Variants in SLC38A4 observed in about 807,000 individuals in gnomAD.
SLC38A4 encodes the protein solute carrier family 38 member 4, also known as sodium-coupled neutral amino acid transporter 4.
SLC38A4 carries 20 observed loss-of-function variants against 63.1 expected under a neutral mutation model. That is an observed-to-expected ratio of 0.32 (90% confidence interval 0.22 to 0.46). The LOEUF (loss-of-function observed/expected upper bound fraction) is 0.46, where lower values mean the gene tolerates loss of function less well. Ranked by LOEUF, SLC38A4 falls within the 20% of genes least tolerant of loss-of-function variation. The pLI is 1.00. For synonymous variants in SLC38A4, 230 were observed against 225.5 expected, an observed-to-expected ratio of 1.02 and a Z score of -0.18; for missense variants, 526 against 663.6, an observed-to-expected ratio of 0.79 and a Z score of 2.28.
At chr12:46,783,058 G>GTGTA in intron 7 of SLC38A4, among the ~76,000 whole-genome samples, 2 of 147,570 alleles carry the variant, frequency 1.4e-5, no homozygotes, top group Non-Finnish European at 3.0e-5. Context: ...GTGTGTGTGT[G>GTGTA]TTAGGGTTGG....
chr12:46,791,944 T>C lies in SLC38A4; in HGVS notation c.119+1009A>G, dbSNP rs561994130. ...ATGAGTGAAGGCAACAAGTAACAAATAGGGAGAGGGCAAAAAACAGGACAG... is the reference window on the plus strand; with the variant it reads ...ATGAGTGAAGGCAACAAGTAACAAACAGGGAGAGGGCAAAAAACAGGACAG... On this transcript the variant is annotated intron_variant, in intron 3 of 16. Transcript: ENST00000266579. 1.4e-4 allele frequency among the ~76,000 whole-genome samples: 21 copies of C among 151,912 alleles called. No individual in the cohort carries two copies. The South Asian group carries it at 3.1e-3, about 23-fold the overall frequency.
chr12:46,824,396 CAAAT>C (rs1939607230), intron 1 of SLC38A4: 2 of 152,122 alleles, frequency 1.3e-5, no homozygotes, highest in African/African-American at 4.8e-5. Context: ...CTAACACAAA[CAAAT>C]GTCATTTTGA....
intron 1 of SLC38A4, among the ~76,000 whole-genome samples, chr12:46,808,284 G>GAAATA (rs1303693457): frequency 6.6e-5 from 10 of 151,914 alleles, no homozygotes; most frequent in African/African-American, 2.4e-4. Flanking sequence ...CAAGTGAAAT[G>GAAATA]CAATGACCCA....
rs374015261 is a variant in SLC38A4, at chr12:46,811,750, G to C, written c.-304-7956C>G. ...CAATCCTTCTTACATTGCATCCCTC[G>C]AGAGAGTGTTTATGTGGACCTGGTC... On this transcript the variant is annotated intron_variant, in intron 1 of 16. Coordinates refer to ENST00000266579, the MANE Select transcript of SLC38A4 (RefSeq NM_018018.5). Among the ~76,000 whole-genome samples the C allele has an allele frequency of 1.6e-3, 238 of 152,050 alleles. 3 individuals are homozygous for C. The South Asian group carries it at 0.044, about 28-fold the overall frequency.
chr12:46,796,985 C>T (rs916759407), intron 2 of SLC38A4, among the ~76,000 whole-genome samples: 22 of 152,136 alleles, frequency 1.4e-4, no homozygotes, highest in African/African-American at 5.3e-4. Flanking sequence ...CCAACCCTAT[C>T]TTCTTTCTGC....
At chr12:46,826,953 TCTTC>T (rs1394088287), upstream of SLC38A4, among the ~76,000 whole-genome samples, 2 of 152,254 alleles carry the variant, frequency 1.3e-5, no homozygotes, top group African/African-American at 4.8e-5. Flanking sequence ...ATGTTTTCTT[TCTTC>T]CTTCATTCAT....
intron 1 of SLC38A4, among the ~76,000 whole-genome samples, chr12:46,804,921 A>T (rs1003575734): frequency 6.6e-6 from 1 of 151,996 alleles, no homozygotes; most frequent in African/African-American, 2.4e-5. Flanking sequence ...TTTAATAGTG[A>T]TGTTTCCAAT....
rs148524583 is a variant in SLC38A4 at position 46,764,809 on chromosome 12, T to C, written c.*1892A>G. The C allele has an allele frequency of 6.9e-3, 1,059 of 152,556 alleles. 5 individuals carry two copies. The highest frequency in any genetic ancestry group is 0.011 in the Non-Finnish European group (770 of 67,976). 9.5% of individuals were successfully genotyped at this position (152,556 alleles called of 1,614,324 possible). Reference sequence around the variant, plus strand: ...ATATACCAATATACACTTTCTGTAATAAAAAAGAAGCCTCCCAATACATTG... The same window carrying C: ...ATATACCAATATACACTTTCTGTAACAAAAAAGAAGCCTCCCAATACATTG... On this transcript the variant is annotated 3_prime_UTR_variant, in exon 17 of 17. Transcript: ENST00000266579.
In SLC38A4 at chr12:46,803,723, G is replaced by A. The variant is rs975565942; in HGVS notation, c.-233C>T. On this transcript the variant is annotated 5_prime_UTR_variant, in exon 2 of 17. Coordinates refer to ENST00000266579, the MANE Select transcript of SLC38A4 (RefSeq NM_018018.5). ...TAGACATTGATTTAAAGACCAGTGG[G>A]AGTGAACGAGACAAGCCAATCAACA... 1 of 151,336 alleles carries A rather than the reference G, an allele frequency of 6.6e-6. No individual in the cohort carries two copies. The highest frequency in any genetic ancestry group is 1.5e-5 in the Non-Finnish European group (1 of 67,840). 9.4% of individuals were successfully genotyped at this position (151,336 alleles called of 1,614,324 possible).
chr12:46,766,843 A>C, intron 16 of SLC38A4, 41 bp from the exon 17 acceptor site: 2 of 1,380,444 alleles, frequency 1.4e-6, no homozygotes, highest in East Asian at 4.6e-5. Flanking sequence ...CAGAAACCAT[A>C]CTTAGTACAA....
rs748277601 is a variant in SLC38A4, at chr12:46,769,355, G to A, written c.1373C>T (p.Ala458Val). 15 of 1,613,408 alleles carry A rather than the reference G, an allele frequency of 9.3e-6. No individual in the cohort carries two copies. The South Asian group carries it at 1.3e-4, about 14-fold the overall frequency. Residue 458 changes from alanine to valine, a missense_variant, in exon 15 of 17, where the codon GCT (alanine) becomes GTT (valine). Transcript: ENST00000266579. The stretch of plus-strand genomic sequence containing the variant: ...AACATTATTAAGTGCAATAAGCACA[G>A]CTGCAATCAGGAAATGTCGTATCCA... ...FSWIRHFLIA[A>V]VLIALNNVLV...
Position 46,793,489 on chromosome 12 carries a change from G to A in SLC38A4, c.-112-306C>T, listed in dbSNP as rs558058850. Among the ~76,000 whole-genome samples the A allele has an allele frequency of 2.0e-5, 3 of 152,226 alleles. No homozygotes were observed. The South Asian group carries it at 6.2e-4, about 32-fold the overall frequency. On this transcript the variant is annotated intron_variant, in intron 2 of 16. Coordinates refer to ENST00000266579, the MANE Select transcript of SLC38A4 (RefSeq NM_018018.5). ...AAAGAAATCTTAAGACATGGCAGCA[G>A]TCTTCAAGGAAATTTAGGTATTTGT... is the stretch of plus-strand genomic sequence containing the variant.
intron 10 of SLC38A4, among the ~76,000 whole-genome samples, chr12:46,779,305 G>C (rs1434695201): frequency 6.6e-6 from 1 of 151,712 alleles, no homozygotes; most frequent in Non-Finnish European, 1.5e-5. Context: ...TTCTCATCTG[G>C]GACTCTCCTC....
chr12:46,818,518 G>C (rs573297818), intron 1 of SLC38A4, among the ~76,000 whole-genome samples: 1 of 151,606 alleles, frequency 6.6e-6, no homozygotes, highest in African/African-American at 2.4e-5. Context: ...CTTAGTTTTG[G>C]TAATATAGTA....
intron 13 of SLC38A4, 23 bp from the exon 14 acceptor site, chr12:46,775,196 A>C (rs1371998569): frequency 1.1e-5 from 17 of 1,607,972 alleles, no homozygotes; most frequent in Non-Finnish European, 1.4e-5. Flanking sequence ...AAAGAGAATG[A>C]AACCGCTTGG....
At chr12:46,778,423 C>T (rs1938572839) in intron 11 of SLC38A4, 55 bp from the exon 12 acceptor site, 2 of 1,608,884 alleles carry the variant, frequency 1.2e-6, no homozygotes, top group African/African-American at 1.3e-5. Flanking sequence ...ATGGTGATCT[C>T]AGGCCATCTC....
Position 46,778,712 on chromosome 12 carries a change from A to C in SLC38A4, c.782T>G (p.Leu261Arg). 1.9e-6 allele frequency: 3 copies of C among 1,612,924 alleles called. No individual in the cohort carries two copies. The highest frequency in any genetic ancestry group is 2.5e-6 in the Non-Finnish European group (3 of 1,179,262). Residue 261 changes from leucine (L) to arginine (R), a missense_variant, in exon 11 of 17, where the codon CTG (leucine) becomes CGG (arginine). Coordinates refer to ENST00000266579, the MANE Select transcript of SLC38A4 (RefSeq NM_018018.5). ...LPVLDHSVGN[L>R]SFNNTLPMHV... ...CATTGGAAGCGTGTTGTTGAATGAC[A>C]GATTTCCAACACTGTGATCCAAAAC...
At chr12:46,769,499 C>T (rs1938367125) in intron 14 of SLC38A4, 71 bp from the exon 15 acceptor site, 4 of 1,509,792 alleles carry the variant, frequency 2.6e-6, no homozygotes, top group Non-Finnish European at 3.6e-6. Context: ...CAAATATTCT[C>T]ATCACTCTAA....
chr12:46,775,279 G>A, intron 13 of SLC38A4, 106 bp from the exon 14 acceptor site: 1 of 1,377,412 alleles, frequency 7.3e-7, no homozygotes, highest in Non-Finnish European at 9.6e-7. Flanking sequence ...AAAAGACCTA[G>A]GCCTGGGAAT....
Sources: gnomAD v4.1 joint callset for allele counts (sites outside exome capture counted in the v4.1 genomes callset) on GRCh38, gnomAD v4.1.1 for gene constraint, MANE v1.5 for transcripts, NCBI Gene and HGNC (gene_info 2026-07-23, HGNC 2026-07-21) for gene names.